The following VPS13C variants were observed in gnomAD, a reference collection of about 807,000 sequenced individuals.
VPS13C encodes the protein vacuolar protein sorting 13 homolog C, also known as intermembrane lipid transfer protein VPS13C.
VPS13C carries 358 observed loss-of-function variants against 456.8 expected under a neutral mutation model. The observed-to-expected ratio is 0.78, with a 90% CI of 0.72 to 0.86. VPS13C has a LOEUF of 0.86. Among genes scored for constraint, VPS13C ranks in the 40% least tolerant of loss-of-function variants. The probability of loss-of-function intolerance (pLI) is 0.00; values close to 1 mark genes in which losing one functional copy is unlikely to be tolerated. For missense variants in VPS13C, 4,818 were observed against 4,385.4 expected (o/e 1.10, Z -2.79); for synonymous variants, 1,578 against 1,486.7 (o/e 1.06, Z -1.41).
Position 62,027,463 on chromosome 15 carries a change from G to A in VPS13C, c.448+895C>T, listed in dbSNP as rs532166895. On this transcript the variant is annotated intron_variant, in intron 6 of 84. Coordinates refer to ENST00000644861, the MANE Select transcript of VPS13C (RefSeq NM_020821.3). ...ACGGAAGGAGTAGGTTTATTAGAAC[G>A]GAAACTGCTTTCAGGGTAATTTCAC... Among the ~76,000 whole-genome samples, 42 of 152,144 alleles carry A rather than the reference G, an allele frequency of 2.8e-4. No homozygotes were observed. In the South Asian group the frequency reaches 8.5e-3, roughly 31 times the overall value.
chr15:61,913,570 C>CA (rs966980551), intron 61 of VPS13C, among the ~76,000 whole-genome samples, 155 bp from the exon 62 acceptor site: 1 of 151,966 alleles, frequency 6.6e-6, no homozygotes, highest in African/African-American at 2.4e-5. Flanking sequence ...AACAGAACCA[C>CA]AAAAAACTCT....
At chr15:61,914,878 T>TAAAACAAAA (rs2043414776) in intron 61 of VPS13C, among the ~76,000 whole-genome samples, 1 of 102,048 alleles carries the variant, frequency 9.8e-6, no homozygotes, top group East Asian at 2.9e-4. Flanking sequence ...AACTCTGCCT[T>TAAAACAAAA]AAAAAAAAAA....
intron 66 of VPS13C, among the ~76,000 whole-genome samples, chr15:61,903,143 T>A (rs898982836): frequency 1.3e-5 from 2 of 151,774 alleles, no homozygotes; most frequent in Non-Finnish European, 2.9e-5. Context: ...CTGGGCAACA[T>A]GGCGAAACTC....
intron 58 of VPS13C, 82 bp from the exon 59 acceptor site, chr15:61,918,339 T>G (rs1472029414): frequency 2.3e-6 from 3 of 1,298,416 alleles, no homozygotes; most frequent in African/African-American, 1.5e-5. Flanking sequence ...CAAATACTTT[T>G]AGATCTAAAA....
At chr15:61,994,912 C>A (rs2140433759) in intron 16 of VPS13C, among the ~76,000 whole-genome samples, 1 of 152,202 alleles carries the variant, frequency 6.6e-6, no homozygotes, top group South Asian at 2.1e-4. Context: ...TAAATGATGT[C>A]AGATAAATGA....
chr15:61,936,088 A>T (rs989408901), intron 48 of VPS13C, among the ~76,000 whole-genome samples: 12 of 152,352 alleles, frequency 7.9e-5, no homozygotes, highest in South Asian at 2.1e-4. Flanking sequence ...AAAATTATTT[A>T]AAAATGGCTG....
chr15:62,000,756 T>C, intron 15 of VPS13C, 130 bp from the exon 16 acceptor site: 1 of 643,110 alleles, frequency 1.6e-6, no homozygotes, highest in Non-Finnish European at 2.5e-6. Flanking sequence ...TTAGTATAAA[T>C]TTGAATGTAT....
chr15:61,865,511 CTATA>C (rs1894479476), intron 81 of VPS13C: 2 of 966,800 alleles, frequency 2.1e-6, no homozygotes, highest in Non-Finnish European at 2.5e-6. Flanking sequence ...TATTAAATGA[CTATA>C]TATACATACA....
intron 37 of VPS13C, among the ~76,000 whole-genome samples, chr15:61,955,017 C>A (rs994638217): frequency 7.9e-5 from 12 of 151,978 alleles, no homozygotes; most frequent in Non-Finnish European, 1.6e-4. Flanking sequence ...AGAGGTAATA[C>A]TACAAAAGAA....
chr15:61,874,984 T>C, intron 76 of VPS13C, 33 bp from the exon 77 acceptor site: 1 of 1,505,348 alleles, frequency 6.6e-7, no homozygotes, highest in Non-Finnish European at 8.8e-7. Context: ...AATCTTATTA[T>C]TTAAAATTTA....
chr15:61,894,230 C>G (rs2042736038), intron 66 of VPS13C, among the ~76,000 whole-genome samples: 1 of 151,804 alleles, frequency 6.6e-6, no homozygotes, highest in African/African-American at 2.4e-5. Flanking sequence ...ATTGCTTGAA[C>G]CAAGGAGGTG....
chr15:62,014,279 C>G (rs150725700), intron 9 of VPS13C, among the ~76,000 whole-genome samples: 2 of 151,944 alleles, frequency 1.3e-5, no homozygotes, highest in Admixed American at 1.3e-4. Flanking sequence ...AACAGAGAGC[C>G]AGCCTATACA....
At position 61,962,507 on chromosome 15, in the gene VPS13C, C is replaced by G. The variant is rs771079663; in HGVS notation, c.3467G>C (p.Arg1156Pro). 6.2e-7 allele frequency: 1 copy of G among 1,609,754 alleles called. No individual in the cohort carries two copies. The highest frequency in any genetic ancestry group is 8.5e-7 in the Non-Finnish European group (1 of 1,177,462). ...AVSIMGNEVF[R>P]FNLDLYPDAT... ...ATCTGGATACAAATCCAAATTAAAA[C>G]GGAAAACTTCATTTCCCATTATTGA... Residue 1156 changes from arginine to proline, a missense_variant, in exon 34 of 85, where the codon CGT (arginine) becomes CCT (proline). Physicochemically the swap from Arg to Pro is moderately radical, Grantham distance 103. Around this residue, in one of 3 missense-constraint regions of VPS13C, gnomAD observed 4,552 missense variants for 4,130.6 expected, o/e 1.10. Transcript: ENST00000644861.
intron 45 of VPS13C, among the ~76,000 whole-genome samples, chr15:61,942,562 T>A (rs1195889125): frequency 4.7e-5 from 7 of 149,178 alleles, no homozygotes; most frequent in African/African-American, 1.7e-4. Context: ...TTTTTTTTTA[T>A]GTACTCAGCA....
intron 21 of VPS13C, 22 bp downstream of exon 21, chr15:61,982,437 T>A: frequency 6.3e-7 from 1 of 1,579,536 alleles, no homozygotes; most frequent in Non-Finnish European, 8.6e-7. Flanking sequence ...CTGATGCTTA[T>A]GTAGACACTC....
At chr15:61,979,948 C>CCT (rs2045824492) in intron 22 of VPS13C, among the ~76,000 whole-genome samples, 2 of 151,812 alleles carry the variant, frequency 1.3e-5, no homozygotes, top group African/African-American at 4.8e-5. Flanking sequence ...CTTTGGGAGG[C>CCT]CAAGGTGAGC....
chr15:61,962,276 T>G lies in VPS13C; in HGVS notation c.3603+95A>C, dbSNP rs533224000. 3.4e-6 allele frequency: 4 copies of G among 1,179,138 alleles called. No individual in the cohort carries two copies. In the East Asian group the frequency reaches 1.0e-4, roughly 29 times the overall value. The allele number at this position is 1,179,138 out of a possible 1,614,324, so 73.0% of individuals were successfully genotyped here. A position where few individuals can be genotyped will look rare whatever the true frequency, so the allele number is the denominator to read the frequency against. On this transcript the variant is annotated intron_variant, in intron 34 of 84. Coordinates refer to ENST00000644861, the MANE Select transcript of VPS13C (RefSeq NM_020821.3). ...TAAATATAATTAAAATAATGCCCACTCTAAAATCCAAGGTTTATAACATTT... is the reference window on the plus strand; with the variant it reads ...TAAATATAATTAAAATAATGCCCACGCTAAAATCCAAGGTTTATAACATTT...
chr15:61,993,281 C>T (rs2046281594), intron 16 of VPS13C, among the ~76,000 whole-genome samples: 1 of 151,900 alleles, frequency 6.6e-6, no homozygotes, highest in African/African-American at 2.4e-5. Context: ...AGGGCAGGCA[C>T]TAAATTGTAT....
In VPS13C at chr15:61,945,924, G is replaced by A. The variant is rs762222228; in HGVS notation, c.4981-42C>T. 4.0e-6 allele frequency: 6 copies of A among 1,498,774 alleles called. No individual in the cohort carries two copies. The East Asian group carries it at 1.1e-4, about 29-fold the overall frequency. 92.8% of individuals were successfully genotyped at this position (1,498,774 alleles called of 1,614,324 possible). ...AACTGGTTATTATATCAAAAGAGCT[G>A]TATAGCCCTTATCAATGTATTATAA... On this transcript the variant is annotated intron_variant, in intron 44 of 84. Transcript: ENST00000644861.
Sources: allele counts gnomAD v4.1 joint callset (sites outside exome capture counted in the v4.1 genomes callset), GRCh38; gene constraint gnomAD v4.1.1; regional missense constraint gnomAD v4.1.1; transcripts MANE v1.5; gene names NCBI Gene and HGNC (gene_info 2026-07-23, HGNC 2026-07-21).